PAK1: variants seen among roughly 807,000 people sequenced by gnomAD.
The protein encoded by PAK1 is p21 (RAC1) activated kinase 1, also known as serine/threonine-protein kinase PAK 1.
Under a neutral mutation model 67.4 loss-of-function variants are expected in PAK1, and 29 were observed. The ratio of observed to expected loss-of-function variants is 0.43; its 90% confidence interval spans 0.32 to 0.59. The LOEUF (loss-of-function observed/expected upper bound fraction) is 0.59. Among genes scored for constraint, PAK1 ranks in the 20% least tolerant of loss-of-function variants. The pLI is 0.07. For synonymous variants in PAK1, 223 were observed against 237.4 expected, an observed-to-expected ratio of 0.94 and a Z score of 0.56; for missense variants, 337 against 670.7, an observed-to-expected ratio of 0.50 and a Z score of 5.50.
chr11:77,344,502 C>T (rs763397254), intron 9 of PAK1, among the ~76,000 whole-genome samples: 2 of 152,152 alleles, frequency 1.3e-5, no homozygotes, highest in Non-Finnish European at 2.9e-5. Flanking sequence ...AATTTCCAGA[C>T]AACATGAATA....
the PAK1 span, among the ~76,000 whole-genome samples, chr11:77,497,100 C>T: frequency 2.0e-5 from 3 of 152,094 alleles, no homozygotes; most frequent in Non-Finnish European, 4.4e-5. Flanking sequence ...CTGAATCTGT[C>T]CCACTGTATA....
chr11:77,388,927 T>C (rs899491298), intron 2 of PAK1, among the ~76,000 whole-genome samples: 4 of 152,212 alleles, frequency 2.6e-5, no homozygotes, highest in African/African-American at 9.6e-5. Flanking sequence ...TTTATTGAGA[T>C]GTAATTCACT....
chr11:77,481,844 G>A, the PAK1 span, among the ~76,000 whole-genome samples: 2 of 152,270 alleles, frequency 1.3e-5, no homozygotes, highest in Non-Finnish European at 2.9e-5. Context: ...CTTCTTGAGT[G>A]TGGGGAGTTT....
At chr11:77,501,908 C>G in the PAK1 span, among the ~76,000 whole-genome samples, 1 of 152,132 alleles carries the variant, frequency 6.6e-6, no homozygotes, top group African/African-American at 2.4e-5. Flanking sequence ...CAATATCTTC[C>G]TCCTTCTGCT....
the PAK1 span, among the ~76,000 whole-genome samples, chr11:77,513,778 T>C: frequency 5.3e-5 from 8 of 151,274 alleles, no homozygotes; most frequent in South Asian, 4.2e-4. Context: ...TTTGTGATGA[T>C]GGTGGAAAGG....
chr11:77,447,941 G>C (rs935053299), intron 1 of PAK1, among the ~76,000 whole-genome samples: 3 of 152,150 alleles, frequency 2.0e-5, no homozygotes, highest in African/African-American at 7.2e-5. Context: ...ACAGCTATTT[G>C]CTCCTCATTC....
At chr11:77,388,047 T>C (rs1251984466) in intron 2 of PAK1, among the ~76,000 whole-genome samples, 1 of 152,224 alleles carries the variant, frequency 6.6e-6, no homozygotes, top group Non-Finnish European at 1.5e-5. Flanking sequence ...CCAGGGCAAA[T>C]ATAGAAAATC....
the PAK1 span, among the ~76,000 whole-genome samples, chr11:77,520,646 G>A: frequency 2.0e-5 from 3 of 152,190 alleles, no homozygotes; most frequent in East Asian, 1.9e-4. Context: ...GGAGTGTCCC[G>A]TACTATGGAG....
intron 2 of PAK1, among the ~76,000 whole-genome samples, chr11:77,382,324 C>T (rs991732190): frequency 2.6e-5 from 4 of 152,144 alleles, no homozygotes; most frequent in African/African-American, 9.7e-5. Flanking sequence ...TCTGCTTCTA[C>T]TGAGCACTCT....
the PAK1 span, among the ~76,000 whole-genome samples, chr11:77,508,950 G>A: frequency 1.5e-5 from 2 of 136,846 alleles, no homozygotes; most frequent in Admixed American, 1.4e-4. Context: ...GTGAGCCACC[G>A]CGCCCGGCCC....
chr11:77,523,420 C>CTT, the PAK1 span, among the ~76,000 whole-genome samples: 37 of 140,312 alleles, frequency 2.6e-4, no homozygotes, highest in African/African-American at 6.0e-4. Context: ...ATGCTTTCTA[C>CTT]TTTTTTTTTT....
the PAK1 span, among the ~76,000 whole-genome samples, chr11:77,527,056 G>T: frequency 1.3e-5 from 2 of 152,032 alleles, no homozygotes; most frequent in Admixed American, 1.3e-4. Context: ...AACCAATAAA[G>T]GAAATTAAGA....
At chr11:77,418,276 A>G (rs552031707) in intron 1 of PAK1, among the ~76,000 whole-genome samples, 1 of 152,288 alleles carries the variant, frequency 6.6e-6, no homozygotes, top group Admixed American at 6.5e-5. Context: ...AACAGTTCAG[A>G]CTACACTTTC....
chr11:77,458,813 T>G lies in PAK1; in HGVS notation c.-22+14739A>C, dbSNP rs148792381. Among the ~76,000 whole-genome samples the G allele has an allele frequency of 3.2e-4, 49 of 152,096 alleles. 1 individual carries two copies. Among genetic ancestry groups the G allele is most frequent in the African/African-American group, 1.2e-3 (48 of 41,498 alleles). The stretch of plus-strand genomic sequence containing the variant: ...GTTTGATGAATATATGTCGAGGGAG[T>G]GCAAAAGTAAATTATTTTATTCAGT... On this transcript the variant is annotated intron_variant, in intron 1 of 14. Coordinates refer to ENST00000356341, the MANE Select transcript of PAK1 (RefSeq NM_002576.5).
intron 1 of PAK1, among the ~76,000 whole-genome samples, chr11:77,420,890 C>A (rs1955224292): frequency 6.6e-6 from 1 of 152,084 alleles, no homozygotes; most frequent in African/African-American, 2.4e-5. Context: ...ATAGTATAGC[C>A]CCTCATAACA....
intron 1 of PAK1, among the ~76,000 whole-genome samples, chr11:77,417,860 G>A (rs1466631777): frequency 2.0e-5 from 3 of 151,290 alleles, no homozygotes; most frequent in South Asian, 2.1e-4. Context: ...TCAGCCTCCC[G>A]AGTAGCTGGG....
chr11:77,353,679 T>A, intron 7 of PAK1, 80 bp from the exon 8 acceptor site: 2 of 1,103,426 alleles, frequency 1.8e-6, no homozygotes, highest in Non-Finnish European at 1.4e-6. Context: ...CCAACCCCTG[T>A]AGCTGGCAAG....
intron 5 of PAK1, among the ~76,000 whole-genome samples, chr11:77,367,222 C>A (rs991213547): frequency 6.6e-6 from 1 of 152,134 alleles, no homozygotes; most frequent in Non-Finnish European, 1.5e-5. Context: ...CACTAGGGAA[C>A]TTTTTCAGGT....
At chr11:77,415,869 A>G (rs111578199) in intron 1 of PAK1, among the ~76,000 whole-genome samples, 4,874 of 152,066 alleles carry the variant, frequency 0.032, 132 homozygotes, top group African/African-American at 0.074. Flanking sequence ...TTTTTTAAAA[A>G]CATTTTGACT....
Sources: allele counts gnomAD v4.1 joint callset (sites outside exome capture counted in the v4.1 genomes callset), GRCh38; gene constraint gnomAD v4.1.1; transcripts MANE v1.5; gene names NCBI Gene and HGNC (gene_info 2026-07-23, HGNC 2026-07-21).